HTR3B: variants seen among roughly 807,000 people sequenced by gnomAD.
HTR3B encodes the protein 5-hydroxytryptamine (serotonin) receptor 3B, ionotropic.
HTR3B carries 44 observed loss-of-function variants against 42.8 expected under a neutral mutation model. The ratio of observed to expected loss-of-function variants is 1.03; its 90% CI spans 0.81 to 1.32. The LOEUF (loss-of-function observed/expected upper bound fraction) is 1.32. HTR3B is among the 40% of genes most tolerant of loss of function. The pLI is 0.00. For missense variants in HTR3B, 527 were observed against 536.5 expected, an observed-to-expected ratio of 0.98 and a Z score of 0.17; for synonymous variants, 203 against 209.0, an observed-to-expected ratio of 0.97 and a Z score of 0.25.
Position 113,932,382 on chromosome 11 carries a change from G to C in HTR3B, c.462G>C (p.Ala154=), listed in dbSNP as rs2276305. ...ENYKPIQVVS[A]CSLETYAFPF... ...ATAAGCCCATCCAGGTGGTCTCTGCGTGCAGTTTAGAGACATATGCTTTTC... is the reference window on the plus strand; with the variant it reads ...ATAAGCCCATCCAGGTGGTCTCTGCCTGCAGTTTAGAGACATATGCTTTTC... Residue 154 remains alanine (A), a synonymous_variant, in exon 5 of 9, where the codon GCG becomes GCC. Transcript: ENST00000260191. 3,251 of 1,613,664 alleles carry C rather than the reference G, an allele frequency of 2.0e-3. 43 individuals are homozygous for C. The African/African-American group carries it at 0.039, about 19-fold the overall frequency.
intron 3 of HTR3B, 118 bp downstream of exon 3, chr11:113,931,546 A>C: frequency 1.4e-6 from 1 of 725,748 alleles, no homozygotes; most frequent in Non-Finnish European, 2.3e-6. Context: ...GATCTGCAGC[A>C]GACCTAATGT....
chr11:113,923,490 C>T (rs1308072121), intron 2 of HTR3B, among the ~76,000 whole-genome samples: 2 of 152,180 alleles, frequency 1.3e-5, no homozygotes, highest in Non-Finnish European at 2.9e-5. Context: ...CCTTTGTATT[C>T]CAGTCCATTG....
chr11:113,934,772 T>TA (rs397788549), intron 6 of HTR3B, among the ~76,000 whole-genome samples: 8 of 139,378 alleles, frequency 5.7e-5, no homozygotes, highest in South Asian at 4.5e-4. Flanking sequence ...TTTTTTTTTT[T>TA]AAATTTCAAT....
At chr11:113,932,814 C>A in intron 5 of HTR3B, 122 bp from the exon 6 acceptor site, 1 of 953,580 alleles carries the variant, frequency 1.0e-6, no homozygotes, top group Non-Finnish European at 1.6e-6. Context: ...CAAATAAGGC[C>A]AAGGAGACTG....
chr11:113,946,312 G>C lies in HTR3B; in HGVS notation c.*175G>C. Reference sequence around the variant, plus strand: ...GCCCAGGAGTTCGAGACCAGCCAGAGCAACATAGTGAGACCACATCTCTAC... The same window carrying C: ...GCCCAGGAGTTCGAGACCAGCCAGACCAACATAGTGAGACCACATCTCTAC... On this transcript the variant is annotated 3_prime_UTR_variant, in exon 9 of 9. Coordinates refer to ENST00000260191, the MANE Select transcript of HTR3B (RefSeq NM_006028.5). The C allele has an allele frequency of 1.2e-5, 7 of 578,030 alleles. No homozygotes were observed. The highest frequency in any genetic ancestry group is 4.2e-5 in the South Asian group (2 of 47,362). The allele number at this position is 578,030 out of a possible 1,614,324, so 35.8% of individuals were successfully genotyped here.
intron 2 of HTR3B, among the ~76,000 whole-genome samples, chr11:113,930,038 G>T (rs780408787): frequency 3.9e-5 from 6 of 152,146 alleles, no homozygotes; most frequent in Middle Eastern, 3.4e-3. Context: ...ACCCGGCCTC[G>T]CCCATTTTAA....
At chr11:113,938,378 G>T (rs922615403) in intron 6 of HTR3B, among the ~76,000 whole-genome samples, 14 of 151,896 alleles carry the variant, frequency 9.2e-5, no homozygotes, top group Admixed American at 8.5e-4. Flanking sequence ...ATATAAACTC[G>T]AAAAGTCCCA....
At position 113,946,019 on chromosome 11, in the gene HTR3B, C is replaced by G; in HGVS notation, c.1208C>G (p.Ala403Gly). 6.2e-7 allele frequency: 1 copy of G among 1,613,738 alleles called. No individual in the cohort carries two copies. The highest frequency in any genetic ancestry group is 1.1e-5 in the South Asian group (1 of 91,068). The stretch of plus-strand genomic sequence containing the variant: ...CAGGACCAGACAGACCAACAGGAGG[C>G]AGAGTGGCTGGTCCTCCTGTCCCGC... ...QTQDQTDQQE[A>G]EWLVLLSRFD... The change falls in exon 9 of 9, where the codon GCA becomes GGA. Residue 403 changes from alanine to glycine, a missense_variant. By Grantham distance (60) the Ala-to-Gly change is moderately conservative. Transcript: ENST00000260191.
Position 113,946,314 on chromosome 11 carries a change from A to AGACC in HTR3B, c.*177_*178insGACC, listed in dbSNP as rs1950179622. 1.7e-6 allele frequency: 1 copy of AGACC among 577,972 alleles called. No homozygotes were observed. The highest frequency in any genetic ancestry group is 3.1e-6 in the Non-Finnish European group (1 of 323,892). 35.8% of individuals were successfully genotyped at this position (577,972 alleles called of 1,614,324 possible). A position where few individuals can be genotyped will look rare whatever the true frequency, so the allele number is the denominator to read the frequency against. ...CCAGGAGTTCGAGACCAGCCAGAGC[A>AGACC]ACATAGTGAGACCACATCTCTACCA... is the stretch of plus-strand genomic sequence containing the variant. On this transcript the variant is annotated 3_prime_UTR_variant, in exon 9 of 9. Transcript: ENST00000260191.
chr11:113,929,769 G>C (rs1950013266), intron 2 of HTR3B, among the ~76,000 whole-genome samples: 1 of 152,080 alleles, frequency 6.6e-6, no homozygotes, highest in Non-Finnish European at 1.5e-5. Context: ...GTCTCACTCT[G>C]TCACCCAGGC....
upstream of HTR3B, among the ~76,000 whole-genome samples, chr11:113,902,075 A>G (rs989775776): frequency 1.3e-5 from 2 of 152,150 alleles, no homozygotes; most frequent in African/African-American, 2.4e-5. Flanking sequence ...AGCCCCATTT[A>G]TCTGCCCACC....
upstream of HTR3B, among the ~76,000 whole-genome samples, chr11:113,899,984 C>T (rs961176001): frequency 6.6e-5 from 10 of 152,148 alleles, no homozygotes; most frequent in Admixed American, 1.3e-4. Flanking sequence ...AGTCCAAACA[C>T]GTTTGGGTGA....
upstream of HTR3B, among the ~76,000 whole-genome samples, chr11:113,903,539 C>T (rs1463752044): frequency 6.6e-6 from 1 of 151,130 alleles, no homozygotes; most frequent in African/African-American, 2.4e-5. Context: ...AACAATTCCC[C>T]TGCCTCAGCC....
rs762638574 is a variant in HTR3B, at chr11:113,944,617, G to A, written c.952G>A (p.Ala318Thr). 2.8e-5 allele frequency: 46 copies of A among 1,614,060 alleles called. No homozygotes were observed. The highest frequency in any genetic ancestry group is 9.3e-6 in the Non-Finnish European group (11 of 1,180,028). ...ICMAFLVLSL[A>T]KSIVLVKFLH... ...CATGGCCTTCTTGGTTCTCAGCTTA[G>A]CTAAGTCCATCGTGTTGGTCAAATT... The change falls in exon 8 of 9, where the codon GCT (alanine) becomes ACT (threonine). Residue 318 changes from alanine to threonine, a missense_variant. Ala to Thr is a moderately conservative substitution (Grantham distance 58, BLOSUM62 0). Transcript: ENST00000260191.
intron 2 of HTR3B, among the ~76,000 whole-genome samples, chr11:113,914,000 C>A (rs569008943): frequency 6.6e-6 from 1 of 151,992 alleles, no homozygotes; most frequent in South Asian, 2.1e-4. Context: ...GGATGCAGCT[C>A]CTTGAGCTTG....
Position 113,930,018 on chromosome 11 carries a change from G to A in HTR3B, c.214-1366G>A, listed in dbSNP as rs138809755. 2.4e-3 allele frequency among the ~76,000 whole-genome samples: 366 copies of A among 152,222 alleles called. 2 individuals carry two copies. The highest frequency in any genetic ancestry group is 8.1e-3 in the African/African-American group (338 of 41,556). ...CCCAAACTGCTGGGATTACAGGTGC[G>A]AGCCACCGCACCCGGCCTCGCCCAT... On this transcript the variant is annotated intron_variant, in intron 2 of 8. Transcript: ENST00000260191.
chr11:113,922,595 G>A (rs1352009499), intron 2 of HTR3B, among the ~76,000 whole-genome samples: 1 of 151,054 alleles, frequency 6.6e-6, no homozygotes, highest in Non-Finnish European at 1.5e-5. Flanking sequence ...TCGCTCTGTC[G>A]CCCAGGCTGG....
intron 2 of HTR3B, among the ~76,000 whole-genome samples, chr11:113,914,132 G>T (rs759993257): frequency 4.6e-5 from 7 of 151,826 alleles, no homozygotes; most frequent in Non-Finnish European, 8.8e-5. Flanking sequence ...TCAATGAACA[G>T]TTTTTTTAAT....
intron 2 of HTR3B, among the ~76,000 whole-genome samples, chr11:113,924,294 T>A (rs191873884): frequency 1.3e-3 from 198 of 152,172 alleles, no homozygotes; most frequent in Middle Eastern, 6.8e-3. Flanking sequence ...TGAGACATAA[T>A]CTATTTCATG....
Sources: gnomAD v4.1 joint callset for allele counts (sites outside exome capture counted in the v4.1 genomes callset) on GRCh38, gnomAD v4.1.1 for gene constraint, MANE v1.5 for transcripts, NCBI Gene and HGNC (gene_info 2026-07-23, HGNC 2026-07-21) for gene names.